Variants in OSCAR observed in about 807,000 individuals in gnomAD.
The protein encoded by OSCAR is osteoclast associated Ig-like receptor.
Under a neutral mutation model 27.3 loss-of-function variants are expected in OSCAR, and 25 were observed. The observed-to-expected ratio is 0.92, with a 90% CI of 0.67 to 1.28. The LOEUF (loss-of-function observed/expected upper bound fraction) is 1.28, where lower values mean the gene tolerates loss of function less well. Ranked by LOEUF, OSCAR falls within the 50% of genes most tolerant of loss-of-function variation. OSCAR has a pLI of 0.00. For missense variants in OSCAR, 354 were observed against 355.1 expected, an observed-to-expected ratio of 1.00 and a Z score of 0.03; for synonymous variants, 158 against 165.7, an observed-to-expected ratio of 0.95 and a Z score of 0.36.
chr19:54,098,708 G>A (rs186262251), intron 2 of OSCAR, among the ~76,000 whole-genome samples: 26 of 151,960 alleles, frequency 1.7e-4, no homozygotes, highest in Admixed American at 2.6e-4. Flanking sequence ...AATAAGGGTC[G>A]GGTGAGGGGG....
intron 4 of OSCAR, 111 bp downstream of exon 4, chr19:54,095,761 T>G (rs1294775521): frequency 6.7e-7 from 1 of 1,490,666 alleles, no homozygotes; most frequent in African/African-American, 1.4e-5. Flanking sequence ...ACTAGACCCC[T>G]GGGTCTGAAG....
At chr19:54,098,998 TAAATA>T (rs1228632995) in intron 2 of OSCAR, among the ~76,000 whole-genome samples, 4 of 151,808 alleles carry the variant, frequency 2.6e-5, no homozygotes, top group Non-Finnish European at 4.4e-5. Flanking sequence ...AATAAATAAA[TAAATA>T]AAATAAATAG....
chr19:54,100,625 C>G (rs774855808), intron 1 of OSCAR, 131 bp downstream of exon 1: 1 of 983,532 alleles, frequency 1.0e-6, no homozygotes, highest in Non-Finnish European at 1.5e-6. Context: ...GGCCCCAGCC[C>G]TGTTCTTTAT....
chr19:54,100,299 C>T (rs748385373), intron 1 of OSCAR, among the ~76,000 whole-genome samples: 4 of 152,178 alleles, frequency 2.6e-5, no homozygotes, highest in African/African-American at 9.7e-5. Flanking sequence ...ACGCAGACCC[C>T]TCTGGCCTGG....
At position 54,097,572 on chromosome 19, in the gene OSCAR, AC is replaced by A. The variant is rs750895332; in HGVS notation, c.71-409del. Among the ~76,000 whole-genome samples, 65 of 120,280 alleles carry A rather than the reference AC, an allele frequency of 5.4e-4. No homozygotes were observed. In the Middle Eastern group the frequency reaches 0.023, roughly 42 times the overall value. The allele number at this position is 120,280 out of a possible 152,430, so 78.9% of individuals were successfully genotyped here. A position where few individuals can be genotyped will look rare whatever the true frequency, so the allele number is the denominator to read the frequency against. On this transcript the variant is annotated intron_variant, in intron 2 of 4. Transcript: ENST00000358375. ...AGTGCTAAGTTTACAAGCTTGTGCCACCACACCCAGACTTTTTTTTTTTTTT... is the reference window on the plus strand; with the variant it reads ...AGTGCTAAGTTTACAAGCTTGTGCCACACACCCAGACTTTTTTTTTTTTTT...
chr19:54,099,096 A>C (rs1325493952), intron 2 of OSCAR, among the ~76,000 whole-genome samples: 1 of 151,218 alleles, frequency 6.6e-6, no homozygotes, highest in East Asian at 2.0e-4. Flanking sequence ...GGAGTCTTGC[A>C]CTGTCACCCA....
intron 3 of OSCAR, among the ~76,000 whole-genome samples, 184 bp from the exon 4 acceptor site, chr19:54,096,337 C>CT (rs2072701742): frequency 3.7e-5 from 4 of 108,012 alleles, no homozygotes; most frequent in Admixed American, 1.1e-4. Flanking sequence ...TCTCTGCCTC[C>CT]CTCTCTCTGC....
At chr19:54,096,182 C>G (rs2072681550) in intron 3 of OSCAR, 29 bp from the exon 4 acceptor site, 1 of 1,468,526 alleles carries the variant, frequency 6.8e-7, no homozygotes. Context: ...AGTCCGGGGC[C>G]GCGTGAGCGT....
chr19:54,096,268 G>A, intron 3 of OSCAR, 115 bp from the exon 4 acceptor site: 1 of 951,010 alleles, frequency 1.1e-6, no homozygotes, highest in Non-Finnish European at 1.5e-6. Flanking sequence ...CTCTCTTTCT[G>A]CCTCTCTTTC....
intron 4 of OSCAR, 173 bp from the exon 5 acceptor site, chr19:54,095,530 G>A (rs1378288949): frequency 7.2e-6 from 10 of 1,388,960 alleles, no homozygotes; most frequent in Non-Finnish European, 9.5e-6. Flanking sequence ...AAGGGGCTGG[G>A]GCCTGGACTG....
intron 2 of OSCAR, among the ~76,000 whole-genome samples, chr19:54,097,582 G>GCCAGAACTCTA (rs1252316995): frequency 9.7e-6 from 1 of 103,398 alleles, no homozygotes; most frequent in African/African-American, 4.2e-5. Context: ...ACCACACCCA[G>GCCAGAACTCTA]ACTTTTTTTT....
rs777938520 is a variant in OSCAR at position 54,096,075 on chromosome 19, G to T, written c.452C>A (p.Ala151Glu). Residue 151 changes from alanine (A) to glutamate (E), a missense_variant, in exon 4 of 5, where the codon GCG (alanine) becomes GAG (glutamate). Transcript: ENST00000358375. ...GPGANVSLRC[A>E]GRLRNMSFVL... ...GAAGCTCATGTTCCGCAGGCGGCCC[G>T]CGCAGCGCAGGCTCACGTTGGCGCC... 1.2e-5 allele frequency: 19 copies of T among 1,536,228 alleles called. No homozygotes were observed. The highest frequency in any genetic ancestry group is 2.8e-5 in the African/African-American group (2 of 72,618).
rs2072642875 is a variant in OSCAR, at chr19:54,095,940, TA to T, written c.586del (p.Tyr196ThrfsTer35). 6.3e-7 allele frequency: 1 copy of T among 1,587,864 alleles called. No homozygotes were observed. Among genetic ancestry groups the T allele is most frequent in the African/African-American group, 1.3e-5 (1 of 74,542 alleles). On this transcript the variant is annotated frameshift_variant, in exon 4 of 5. Transcript: ENST00000358375. LOFTEE classifies it high-confidence loss of function. Reference protein sequence around the residue: ...GARAPGTYSCYYHTPSAPYVL... With the variant: ...GARAPGTYSCXYHTPSAPYVL... ...GTAGGGCGCGGAGGGCGTGTGATAGTAGCAGCTGTAGGTGCCGGGGGCGCGG... is the reference window on the plus strand; with the variant it reads ...GTAGGGCGCGGAGGGCGTGTGATAGTGCAGCTGTAGGTGCCGGGGGCGCGG...
intron 4 of OSCAR, chr19:54,095,559 G>GCTGGGGGC: frequency 7.6e-7 from 1 of 1,313,620 alleles, no homozygotes; most frequent in South Asian, 1.6e-5. Context: ...GGAAGGAGGG[G>GCTGGGGGC]CTGGGGGCCT....
rs1397141997 is a variant in OSCAR, at chr19:54,095,225, G to T, written c.788C>A (p.Pro263His). ...SQNRAPAGIR[P>H] ...GGGCTGCAGTGCTCCTGGGGCTCAG[G>T]GGCGGATACCAGCAGGAGCGCGGTT... The change falls in exon 5 of 5, where the codon CCC becomes CAC. Residue 263 changes from proline (P) to histidine (H), a missense_variant. By Grantham distance (77) the Pro-to-His change is moderately conservative (BLOSUM62 -2). Coordinates refer to ENST00000358375, the MANE Select transcript of OSCAR (RefSeq NM_133169.6). 6.2e-7 allele frequency: 1 copy of T among 1,612,012 alleles called. No individual in the cohort carries two copies. The highest frequency in any genetic ancestry group is 2.2e-5 in the East Asian group (1 of 44,840).
At position 54,099,704 on chromosome 19, in the gene OSCAR, G is replaced by C. The variant is rs759787616; in HGVS notation, c.70+44C>G. The C allele has an allele frequency of 2.5e-6, 4 of 1,613,832 alleles. No homozygotes were observed. In the South Asian group the frequency reaches 4.4e-5, roughly 18 times the overall value. On this transcript the variant is annotated intron_variant, in intron 2 of 4. Coordinates refer to ENST00000358375, the MANE Select transcript of OSCAR (RefSeq NM_133169.6). ...AAATAAAATCTGAGTAATTGGAAAA[G>C]GGGTGTCAGCAACAAAAGGAGAGTG...
intron 1 of OSCAR, among the ~76,000 whole-genome samples, chr19:54,100,344 T>C (rs1452466027): frequency 1.3e-5 from 2 of 152,120 alleles, no homozygotes. Flanking sequence ...ACTCCACCTT[T>C]CCAGGGAACA....
In OSCAR at chr19:54,095,853, C is replaced by T. The variant is rs587702249; in HGVS notation, c.655+19G>A. ...CATTCCTGGGGCGGAGGAGGCGGGCCGGGCCTCAGGGCCCTCACCTTCCCA... is the reference window on the plus strand; with the variant it reads ...CATTCCTGGGGCGGAGGAGGCGGGCTGGGCCTCAGGGCCCTCACCTTCCCA... On this transcript the variant is annotated intron_variant, in intron 4 of 4. Transcript: ENST00000358375. 3 of 1,552,204 alleles carry T rather than the reference C, an allele frequency of 1.9e-6. No individual in the cohort carries two copies. In the South Asian group the frequency reaches 3.6e-5, roughly 18 times the overall value.
chr19:54,097,074 C>T lies in OSCAR; in HGVS notation c.161G>A (p.Arg54Gln), dbSNP rs147121089. The T allele has an allele frequency of 4.5e-4, 728 of 1,614,136 alleles. 3 individuals are homozygous for T. The highest frequency in any genetic ancestry group is 1.8e-3 in the South Asian group (168 of 91,080). ...AAATCTCCAAGCGGGTTGGGGTGCCCGGCATCTCAAGGTCACGTTGACCCC... is the reference window on the plus strand; with the variant it reads ...AAATCTCCAAGCGGGTTGGGGTGCCTGGCATCTCAAGGTCACGTTGACCCC... ...TPGVNVTLRC[R>Q]APQPAWRFGL... is the part of the protein sequence containing the mutation. The change falls in exon 3 of 5, where the codon CGG becomes CAG. Residue 54 changes from arginine to glutamine, a missense_variant. Arg to Gln is a conservative substitution (Grantham distance 43, BLOSUM62 1). Transcript: ENST00000358375.
Sources: allele counts gnomAD v4.1 joint callset (sites outside exome capture counted in the v4.1 genomes callset), GRCh38; gene constraint gnomAD v4.1.1; transcripts MANE v1.5; gene names NCBI Gene and HGNC (gene_info 2026-07-23, HGNC 2026-07-21).